BNC2: variants seen among roughly 807,000 people sequenced by gnomAD.
BNC2 encodes the protein zinc finger protein basonuclin-2.
BNC2 carries 20 observed loss-of-function variants against 76.3 expected under a neutral mutation model. The observed-to-expected ratio is 0.26, with a 90% CI of 0.18 to 0.38. The LOEUF is 0.38. BNC2 is among the 10% of genes least tolerant of loss of function. The pLI is 1.00. For missense variants in BNC2, 1,382 were observed against 1,399.8 expected, an observed-to-expected ratio of 0.99 and a Z score of 0.20; for synonymous variants, 582 against 514.8, an observed-to-expected ratio of 1.13 and a Z score of -1.77.
intron 5 of BNC2, among the ~76,000 whole-genome samples, chr9:16,488,395 A>T (rs952206404): frequency 2.0e-5 from 3 of 152,238 alleles, no homozygotes; most frequent in African/African-American, 7.2e-5. Flanking sequence ...TAGCAGGCCT[A>T]TACTTACACT....
At chr9:16,680,363 G>A (rs544577353) in intron 3 of BNC2, among the ~76,000 whole-genome samples, 5 of 151,820 alleles carry the variant, frequency 3.3e-5, no homozygotes, top group South Asian at 4.2e-4. Context: ...TCCTCAGTAC[G>A]GGAATTCAGA....
chr9:16,455,339 G>C (rs993771409), intron 5 of BNC2, among the ~76,000 whole-genome samples: 1 of 152,108 alleles, frequency 6.6e-6, no homozygotes, highest in African/African-American at 2.4e-5. Context: ...TAAACACATA[G>C]ATACATGAAA....
At chr9:16,547,093 A>C (rs1035824310) in intron 5 of BNC2, among the ~76,000 whole-genome samples, 1 of 152,242 alleles carries the variant, frequency 6.6e-6, no homozygotes, top group African/African-American at 2.4e-5. Flanking sequence ...AACTATACCA[A>C]ATGTTAATTC....
intron 3 of BNC2, among the ~76,000 whole-genome samples, chr9:16,657,599 TGGCCATCAGTA>T (rs1443840175): frequency 6.6e-6 from 1 of 152,164 alleles, no homozygotes; most frequent in Non-Finnish European, 1.5e-5. Flanking sequence ...AGGTGTGACT[TGGCCATCAGTA>T]GGCTGAAGGG....
intron 5 of BNC2, among the ~76,000 whole-genome samples, chr9:16,500,264 A>G (rs1254634487): frequency 6.6e-6 from 1 of 151,782 alleles, no homozygotes; most frequent in Non-Finnish European, 1.5e-5. Flanking sequence ...AGCCTGCTCC[A>G]GTTTTTAGTA....
intron 3 of BNC2, among the ~76,000 whole-genome samples, chr9:16,655,986 C>T (rs919657315): frequency 2.6e-5 from 4 of 152,146 alleles, no homozygotes; most frequent in African/African-American, 7.2e-5. Flanking sequence ...AGAAGAGGCA[C>T]ATACAAGGCA....
intron 5 of BNC2, among the ~76,000 whole-genome samples, chr9:16,439,775 G>A (rs1207121257): frequency 6.6e-6 from 1 of 152,056 alleles, no homozygotes; most frequent in African/African-American, 2.4e-5. Flanking sequence ...CTCACTCCTA[G>A]CATCCTACCA....
At chr9:16,796,572 A>G (rs367705249) in intron 1 of BNC2, among the ~76,000 whole-genome samples, 7 of 9,190 alleles carry the variant, frequency 7.6e-4, no homozygotes, top group African/African-American at 1.4e-3. Flanking sequence ...ACTCCGTCTC[A>G]AAAAAAAAAG....
intron 5 of BNC2, among the ~76,000 whole-genome samples, chr9:16,470,704 T>C (rs1044194933): frequency 1.3e-5 from 2 of 152,238 alleles, no homozygotes; most frequent in African/African-American, 4.8e-5. Flanking sequence ...CATGGCGTTC[T>C]GTGCGCAGAT....
chr9:16,594,761 T>C (rs569321276), intron 3 of BNC2, among the ~76,000 whole-genome samples: 1 of 152,264 alleles, frequency 6.6e-6, no homozygotes, highest in East Asian at 1.9e-4. Context: ...AATGAGGCTC[T>C]GAGATGTCCC....
intron 5 of BNC2, among the ~76,000 whole-genome samples, chr9:16,537,372 CAT>C (rs1295644026): frequency 6.6e-6 from 1 of 151,974 alleles, no homozygotes; most frequent in African/African-American, 2.4e-5. Context: ...TTAAAAACCA[CAT>C]ATTACTCTTT....
chr9:16,861,283 G>C (rs111733097), intron 1 of BNC2, among the ~76,000 whole-genome samples: 19,927 of 147,998 alleles, frequency 0.13, 2,011 homozygotes, highest in African/African-American at 0.28. Context: ...GAGCCCAGGA[G>C]TTCAAGGCTG....
intron 3 of BNC2, among the ~76,000 whole-genome samples, chr9:16,602,023 T>A (rs1413243451): frequency 1.3e-5 from 2 of 152,166 alleles, no homozygotes; most frequent in Non-Finnish European, 2.9e-5. Flanking sequence ...TTTGACATAG[T>A]TAAAAGTTGT....
intron 3 of BNC2, among the ~76,000 whole-genome samples, chr9:16,610,156 C>T (rs1007969767): frequency 6.6e-6 from 1 of 151,962 alleles, no homozygotes; most frequent in East Asian, 1.9e-4. Flanking sequence ...AAACTGGGCG[C>T]ACCATGTAAC....
intron 5 of BNC2, among the ~76,000 whole-genome samples, chr9:16,444,161 CT>C (rs2130955010): frequency 6.6e-6 from 1 of 152,280 alleles, no homozygotes; most frequent in East Asian, 1.9e-4. Context: ...AGACAATCCA[CT>C]GTGACATGGT....
chr9:16,559,316 G>C (rs1419315868), intron 4 of BNC2, among the ~76,000 whole-genome samples: 5 of 152,118 alleles, frequency 3.3e-5, no homozygotes, highest in African/African-American at 2.4e-5. Context: ...TAGTGTGTTA[G>C]TGTATTTTAT....
chr9:16,586,434 C>G (rs1464563180), intron 3 of BNC2, among the ~76,000 whole-genome samples: 1 of 152,210 alleles, frequency 6.6e-6, no homozygotes, highest in Admixed American at 6.5e-5. Flanking sequence ...CTGCCCCACA[C>G]GTGCCTGAAA....
Position 16,436,001 on chromosome 9 carries a change from G to A in BNC2, c.2193C>T (p.Pro731=), listed in dbSNP as rs1821003414. 6.2e-7 allele frequency: 1 copy of A among 1,614,122 alleles called. No homozygotes were observed. The highest frequency in any genetic ancestry group is 8.5e-7 in the Non-Finnish European group (1 of 1,180,030). ...DYENESESSE[P]KLGEESMEGD... ...CTTCCATGGATTCCTCGCCCAGTTT[G>A]GGCTCCGAAGACTCAGACTCGTTCT... is the stretch of plus-strand genomic sequence containing the variant. Residue 731 remains proline, a synonymous_variant, in exon 6 of 7, where the codon CCC becomes CCT. Transcript: ENST00000380672.
At chr9:16,847,245 A>G (rs1819004868) in intron 1 of BNC2, among the ~76,000 whole-genome samples, 1 of 152,168 alleles carries the variant, frequency 6.6e-6, no homozygotes, top group Non-Finnish European at 1.5e-5. Flanking sequence ...TTTTGGCACT[A>G]TATGACAGAG....
Sources: allele counts gnomAD v4.1 joint callset (sites outside exome capture counted in the v4.1 genomes callset), GRCh38; gene constraint gnomAD v4.1.1; transcripts MANE v1.5; gene names NCBI Gene and HGNC (gene_info 2026-07-23, HGNC 2026-07-21).